The following WWOX variants were observed in gnomAD, a reference collection of about 807,000 sequenced individuals.
WWOX encodes the protein WW domain-containing oxidoreductase.
In WWOX, 69 loss-of-function variants were observed where a neutral mutation model predicts 46.2. The observed-to-expected ratio is 1.49, with a 90% CI of 1.23 to 1.82. The LOEUF is 1.82. Among genes scored for constraint, WWOX ranks in the 40% most tolerant of loss-of-function variants. WWOX has a pLI of 0.00. For missense variants in WWOX, 919 were observed against 542.6 expected (o/e 1.69, Z -6.89); for synonymous variants, 359 against 202.6 (o/e 1.77, Z -6.56).
chr16:78,617,621 C>T (rs1382101085), intron 8 of WWOX, among the ~76,000 whole-genome samples: 1 of 152,132 alleles, frequency 6.6e-6, no homozygotes, highest in Admixed American at 6.5e-5. Flanking sequence ...GTGTATCCCC[C>T]AATCCCAAAC....
At chr16:78,910,477 C>T (rs1205145630) in intron 8 of WWOX, among the ~76,000 whole-genome samples, 1 of 149,854 alleles carries the variant, frequency 6.7e-6, no homozygotes, top group Admixed American at 6.7e-5. Context: ...TGTGGTGTTT[C>T]ATGTTAGCAG....
At chr16:78,456,593 G>C (rs193240242) in intron 8 of WWOX, among the ~76,000 whole-genome samples, 1 of 151,962 alleles carries the variant, frequency 6.6e-6, no homozygotes, top group Non-Finnish European at 1.5e-5. Context: ...TTCTTCTGAT[G>C]GGTATGTAGT....
At chr16:78,678,180 C>G (rs994673824) in intron 8 of WWOX, among the ~76,000 whole-genome samples, 3 of 152,070 alleles carry the variant, frequency 2.0e-5, no homozygotes, top group Non-Finnish European at 4.4e-5. Flanking sequence ...TACCAGTGGC[C>G]TTACGTGGCA....
chr16:78,252,231 C>T (rs2038002565), intron 5 of WWOX, among the ~76,000 whole-genome samples: 2 of 152,104 alleles, frequency 1.3e-5, no homozygotes, highest in Non-Finnish European at 2.9e-5. Flanking sequence ...TTAGAATGGA[C>T]AGAAGCTAGC....
At chr16:78,443,259 C>G (rs562955262) in intron 8 of WWOX, among the ~76,000 whole-genome samples, 1 of 151,512 alleles carries the variant, frequency 6.6e-6, no homozygotes, top group African/African-American at 2.4e-5. Flanking sequence ...GAGCTGACAT[C>G]GCATCACTGC....
chr16:79,134,519 C>G (rs2150702918), intron 8 of WWOX, among the ~76,000 whole-genome samples: 1 of 152,228 alleles, frequency 6.6e-6, no homozygotes, highest in South Asian at 2.1e-4. Context: ...TCTTCCCTAC[C>G]CGGGGCCCAC....
intron 8 of WWOX, among the ~76,000 whole-genome samples, chr16:79,196,174 T>A (rs776182422): frequency 7.2e-5 from 11 of 152,254 alleles, no homozygotes; most frequent in Non-Finnish European, 1.3e-4. Context: ...GTTCTTCACC[T>A]GTTGGTGAAC....
chr16:78,660,198 T>A (rs2047179089), intron 8 of WWOX, among the ~76,000 whole-genome samples: 1 of 152,162 alleles, frequency 6.6e-6, no homozygotes, highest in Non-Finnish European at 1.5e-5. Flanking sequence ...ACAGGTTATA[T>A]AAAATATTGT....
chr16:79,038,791 C>T (rs1049398300), intron 8 of WWOX, among the ~76,000 whole-genome samples: 1 of 152,110 alleles, frequency 6.6e-6, no homozygotes, highest in Non-Finnish European at 1.5e-5. Context: ...TTCAGGTGAC[C>T]CACCTGCCTC....
chr16:78,712,921 G>T (rs9932805), intron 8 of WWOX, among the ~76,000 whole-genome samples: 98,676 of 151,902 alleles, frequency 0.65, 34,139 homozygotes, highest in African/African-American at 0.91. Flanking sequence ...TTTTTCATAA[G>T]AAAATATTAT....
At chr16:78,535,931 G>A (rs1318839073) in intron 8 of WWOX, among the ~76,000 whole-genome samples, 1 of 152,152 alleles carries the variant, frequency 6.6e-6, no homozygotes, top group Non-Finnish European at 1.5e-5. Flanking sequence ...TGGACCGTGA[G>A]GTTCTGCGCA....
At chr16:78,524,521 A>G (rs1431679832) in intron 8 of WWOX, among the ~76,000 whole-genome samples, 3 of 151,720 alleles carry the variant, frequency 2.0e-5, no homozygotes, top group Admixed American at 6.6e-5. Context: ...CCCGTGTCCA[A>G]GTGATTCTTC....
At chr16:78,285,229 T>G (rs2079747402) in intron 5 of WWOX, among the ~76,000 whole-genome samples, 1 of 151,854 alleles carries the variant, frequency 6.6e-6, no homozygotes, top group Admixed American at 6.6e-5. Flanking sequence ...GGCCAGGAGT[T>G]CGAGACTACC....
intron 8 of WWOX, among the ~76,000 whole-genome samples, chr16:78,601,345 C>T (rs1222182648): frequency 6.6e-6 from 1 of 151,704 alleles, no homozygotes; most frequent in South Asian, 2.1e-4. Flanking sequence ...GAGAGACACT[C>T]AGGCTTAGCT....
intron 8 of WWOX, among the ~76,000 whole-genome samples, chr16:78,859,574 T>C (rs534844756): frequency 2.0e-5 from 3 of 152,356 alleles, no homozygotes; most frequent in South Asian, 4.1e-4. Flanking sequence ...CCTGTCATTA[T>C]GGATTTGGTT....
intron 5 of WWOX, among the ~76,000 whole-genome samples, chr16:78,291,267 G>A (rs950480098): frequency 6.6e-6 from 1 of 152,010 alleles, no homozygotes; most frequent in African/African-American, 2.4e-5. Flanking sequence ...CTTTTGACTC[G>A]ATGTGTATTC....
chr16:79,200,839 T>A (rs920217908), intron 8 of WWOX, among the ~76,000 whole-genome samples: 3 of 152,158 alleles, frequency 2.0e-5, no homozygotes, highest in Non-Finnish European at 2.9e-5. Flanking sequence ...TGGGGCCAGG[T>A]GACAGGCGAG....
intron 8 of WWOX, among the ~76,000 whole-genome samples, chr16:79,085,703 C>G (rs9635581): frequency 0.24 from 36,933 of 151,962 alleles, 5,228 homozygotes; most frequent in East Asian, 0.7. Context: ...TTATTCCTTA[C>G]CAAAACCAGT....
chr16:78,974,837 G>A (rs897983353), intron 8 of WWOX, among the ~76,000 whole-genome samples: 7 of 152,144 alleles, frequency 4.6e-5, no homozygotes, highest in African/African-American at 1.7e-4. Flanking sequence ...GGAAGCAGAG[G>A]CAATTTATTA....
Sources: gnomAD v4.1 joint callset for allele counts (sites outside exome capture counted in the v4.1 genomes callset) on GRCh38, gnomAD v4.1.1 for gene constraint, MANE v1.5 for transcripts, NCBI Gene and HGNC (gene_info 2026-07-23, HGNC 2026-07-21) for gene names.